The following ADGB variants were observed in gnomAD, a reference collection of about 807,000 sequenced individuals.
ADGB encodes the protein androglobin.
In ADGB, 172 loss-of-function variants were observed where a neutral mutation model predicts 210.5. That is an observed-to-expected ratio of 0.82 (90% CI 0.72 to 0.93). ADGB has a LOEUF of 0.93. ADGB is among the 40% of genes least tolerant of loss of function. The pLI is 0.00. For synonymous variants in ADGB, 658 were observed against 662.7 expected, an observed-to-expected ratio of 0.99 and a Z score of 0.11; for missense variants, 2,025 against 1,964.8, an observed-to-expected ratio of 1.03 and a Z score of -0.58.
chr6:146,765,071 T>G (rs1777552200), intron 28 of ADGB, among the ~76,000 whole-genome samples: 1 of 152,128 alleles, frequency 6.6e-6, no homozygotes, highest in African/African-American at 2.4e-5. Context: ...AGAGCTGGGA[T>G]TACAGGTGCG....
In ADGB at chr6:146,724,205, TC is replaced by T; in HGVS notation, c.2118del (p.Ile707Ter). 1.3e-6 allele frequency: 2 copies of T among 1,548,496 alleles called. No individual in the cohort carries two copies. Among genetic ancestry groups the T allele is most frequent in the Non-Finnish European group, 1.7e-6 (2 of 1,146,040 alleles). ...TTAAAGCCTTAACAAAAGACAGTCCTCCCATAGAGCCTGGACTTCTCACAGC... is the reference window on the plus strand; with the variant it reads ...TTAAAGCCTTAACAAAAGACAGTCCTCCATAGAGCCTGGACTTCTCACAGC... ...EYGALTKDSPPIEPGLLTAET... is the reference protein window; with the variant it reads ...EYGALTKDSPXIEPGLLTAET... On this transcript the variant is annotated frameshift_variant, in exon 18 of 36. Coordinates refer to ENST00000397944, the MANE Select transcript of ADGB (RefSeq NM_024694.4). LOFTEE classifies it high-confidence loss of function.
chr6:146,750,056 G>C (rs1777298142), intron 26 of ADGB, among the ~76,000 whole-genome samples: 1 of 152,136 alleles, frequency 6.6e-6, no homozygotes, highest in Admixed American at 6.6e-5. Flanking sequence ...CACGTGGAAG[G>C]TGGTAAGATA....
At chr6:146,813,672 G>C (rs539579973) in intron 35 of ADGB, among the ~76,000 whole-genome samples, 12 of 152,262 alleles carry the variant, frequency 7.9e-5, no homozygotes, top group African/African-American at 2.9e-4. Flanking sequence ...TCAATGAATG[G>C]ATATTAAAAT....
At chr6:146,601,822 TCA>T (rs1322695793) in intron 1 of ADGB, among the ~76,000 whole-genome samples, 1 of 152,222 alleles carries the variant, frequency 6.6e-6, no homozygotes, top group African/African-American at 2.4e-5. Context: ...GGCTTTTGCC[TCA>T]TATGTCAACT....
At chr6:146,651,903 C>T (rs1450884174) in intron 3 of ADGB, among the ~76,000 whole-genome samples, 1 of 152,158 alleles carries the variant, frequency 6.6e-6, no homozygotes, top group Non-Finnish European at 1.5e-5. Context: ...TACTCGATTA[C>T]ACTGTTATAA....
chr6:146,633,427 G>A (rs1334197346), intron 1 of ADGB, among the ~76,000 whole-genome samples: 2 of 149,896 alleles, frequency 1.3e-5, no homozygotes, highest in Admixed American at 6.7e-5. Flanking sequence ...CTCACTCAGA[G>A]TAAAGACCCT....
At chr6:146,708,070 T>C (rs1417189433) in intron 13 of ADGB, among the ~76,000 whole-genome samples, 1 of 152,124 alleles carries the variant, frequency 6.6e-6, no homozygotes, top group Non-Finnish European at 1.5e-5. Flanking sequence ...AACTTAACTT[T>C]GATCGCATAC....
At chr6:146,638,631 C>A in intron 2 of ADGB, among the ~76,000 whole-genome samples, 2 of 146,242 alleles carry the variant, frequency 1.4e-5, no homozygotes, top group Non-Finnish European at 3.0e-5. Context: ...GGAGGGATAG[C>A]ATTTGGAGAT....
chr6:146,780,972 A>G (rs1777790034), intron 29 of ADGB, among the ~76,000 whole-genome samples: 1 of 152,072 alleles, frequency 6.6e-6, no homozygotes, highest in Non-Finnish European at 1.5e-5. Context: ...TAAAAGTAAA[A>G]CTATGGAATA....
At chr6:146,719,306 T>C (rs1306905442) in intron 16 of ADGB, among the ~76,000 whole-genome samples, 1 of 152,234 alleles carries the variant, frequency 6.6e-6, no homozygotes, top group African/African-American at 2.4e-5. Flanking sequence ...TAAAAGTGTA[T>C]GTGGTAAACT....
chr6:146,786,770 A>G (rs966289878), intron 32 of ADGB, among the ~76,000 whole-genome samples: 2 of 152,214 alleles, frequency 1.3e-5, no homozygotes, highest in African/African-American at 4.8e-5. Flanking sequence ...AAAGGTGAAT[A>G]GGATTCAGTT....
chr6:146,692,741 C>A, intron 11 of ADGB, 84 bp from the exon 12 acceptor site: 2 of 682,188 alleles, frequency 2.9e-6, no homozygotes, highest in South Asian at 2.0e-5. Flanking sequence ...ATCTATCCAG[C>A]ACTGTATTAA....
intron 13 of ADGB, among the ~76,000 whole-genome samples, chr6:146,709,382 C>G (rs958130206): frequency 6.6e-6 from 1 of 152,182 alleles, no homozygotes; most frequent in Non-Finnish European, 1.5e-5. Context: ...AGCCCTTCAC[C>G]AGTCAGATCA....
intron 3 of ADGB, among the ~76,000 whole-genome samples, chr6:146,646,731 TAGA>T (rs1190386776): frequency 1.3e-5 from 2 of 152,142 alleles, no homozygotes; most frequent in Non-Finnish European, 2.9e-5. Context: ...AGGCTGAATT[TAGA>T]AGAATTTAAC....
chr6:146,799,058 CAAA>C (rs71552962), intron 33 of ADGB, among the ~76,000 whole-genome samples: 6 of 63,514 alleles, frequency 9.4e-5, no homozygotes, highest in African/African-American at 3.3e-4. Context: ...TATGGAAATG[CAAA>C]AAAAAAAAAA....
intron 29 of ADGB, chr6:146,770,456 G>A (rs891117188): frequency 1.8e-5 from 5 of 284,582 alleles, no homozygotes; most frequent in Non-Finnish European, 3.2e-5. Flanking sequence ...AAATTCCAAC[G>A]GCATCGCACT....
chr6:146,811,326 T>G (rs73786785), intron 35 of ADGB, among the ~76,000 whole-genome samples: 3,023 of 152,244 alleles, frequency 0.02, 104 homozygotes, highest in African/African-American at 0.067. Context: ...TTCAAGTCAC[T>G]GGTAATTTAT....
Position 146,733,176 on chromosome 6 carries a change from T to A in ADGB, c.2577T>A (p.Pro859=). The change falls in exon 21 of 36, where the codon CCT becomes CCA. Residue 859 remains proline, a synonymous_variant. Transcript: ENST00000397944. ...AAAAAGTTCAAATAACAAAACCTCC[T>A]CCAAACTTCAAATTTGCATTCCGGG... The part of the protein sequence containing the change: ...LMKKVQITKP[P]PNFKFAFRAM... 1.3e-6 allele frequency: 2 copies of A among 1,542,574 alleles called. No individual in the cohort carries two copies. The highest frequency in any genetic ancestry group is 1.8e-6 in the Non-Finnish European group (2 of 1,141,586).
intron 25 of ADGB, among the ~76,000 whole-genome samples, chr6:146,742,560 T>G (rs905670253): frequency 6.6e-6 from 1 of 152,172 alleles, no homozygotes; most frequent in Admixed American, 6.5e-5. Context: ...CTCACTTGAT[T>G]AAAGTCAATG....
Sources: allele counts gnomAD v4.1 joint callset (sites outside exome capture counted in the v4.1 genomes callset), GRCh38; gene constraint gnomAD v4.1.1; transcripts MANE v1.5; gene names NCBI Gene and HGNC (gene_info 2026-07-23, HGNC 2026-07-21).